PRDM2: variants seen among roughly 807,000 people sequenced by gnomAD.
PRDM2 encodes PR domain zinc finger protein 2.
PRDM2 carries 30 observed loss-of-function variants against 130.0 expected under a neutral mutation model. The observed-to-expected ratio is 0.23, with a 90% CI of 0.17 to 0.31. The LOEUF (loss-of-function observed/expected upper bound fraction) is 0.31. Ranked by LOEUF, PRDM2 falls within the 10% of genes least tolerant of loss-of-function variation. PRDM2 has a pLI of 1.00. For missense variants in PRDM2, 2,011 were observed against 2,108.4 expected, an observed-to-expected ratio of 0.95 and a Z score of 0.90; for synonymous variants, 871 against 782.4, an observed-to-expected ratio of 1.11 and a Z score of -1.89.
At chr1:13,755,299 AGTGG>A (rs889280379) in intron 6 of PRDM2, among the ~76,000 whole-genome samples, 1 of 152,140 alleles carries the variant, frequency 6.6e-6, no homozygotes, top group Non-Finnish European at 1.5e-5. Flanking sequence ...GCTGTATTTT[AGTGG>A]GTGGATTTGC....
intron 1 of PRDM2, among the ~76,000 whole-genome samples, chr1:13,709,185 A>G (rs1202453902): frequency 1.3e-5 from 2 of 150,502 alleles, no homozygotes; most frequent in South Asian, 2.1e-4. Context: ...TTTTATTGCT[A>G]TATTAGCAGT....
At chr1:13,815,238 C>T (rs1645238456) in intron 8 of PRDM2, among the ~76,000 whole-genome samples, 1 of 151,404 alleles carries the variant, frequency 6.6e-6, no homozygotes, top group Non-Finnish European at 1.5e-5. Context: ...TCCTGAGTAG[C>T]TGTGATTACA....
chr1:13,818,431 T>G (rs1237050348), intron 9 of PRDM2, among the ~76,000 whole-genome samples: 1 of 144,938 alleles, frequency 6.9e-6, no homozygotes, highest in East Asian at 2.0e-4. Context: ...CAGGCTGGAG[T>G]GCAGTGGCGC....
At chr1:13,769,217 C>CT in intron 6 of PRDM2, 1 of 916,456 alleles carries the variant, frequency 1.1e-6, no homozygotes, top group Non-Finnish European at 1.3e-6. Context: ...GCGGCTCCTG[C>CT]TCCTCTGCCT....
chr1:13,755,670 G>T (rs1156934348), intron 6 of PRDM2, among the ~76,000 whole-genome samples: 1 of 149,172 alleles, frequency 6.7e-6, no homozygotes, highest in Non-Finnish European at 1.5e-5. Context: ...CTCGTTCAGT[G>T]TTTTTTTTTC....
chr1:13,716,873 G>A (rs1367138302), intron 2 of PRDM2, among the ~76,000 whole-genome samples: 2 of 151,170 alleles, frequency 1.3e-5, no homozygotes, highest in Non-Finnish European at 2.9e-5. Context: ...TTTTTTTTTA[G>A]TCCTTAGCTT....
intron 8 of PRDM2, chr1:13,788,116 C>T (rs1480441005): frequency 1.0e-5 from 10 of 954,318 alleles, no homozygotes; most frequent in Non-Finnish European, 1.0e-5. Flanking sequence ...TAATTGGGAG[C>T]AGTTAGGGGG....
chr1:13,758,173 G>A (rs1189074277), intron 6 of PRDM2, among the ~76,000 whole-genome samples: 1 of 152,098 alleles, frequency 6.6e-6, no homozygotes, highest in Non-Finnish European at 1.5e-5. Flanking sequence ...GCCAGGCGCG[G>A]TGGCTCACAC....
At chr1:13,738,536 G>A (rs1445053199) in intron 4 of PRDM2, among the ~76,000 whole-genome samples, 1 of 152,144 alleles carries the variant, frequency 6.6e-6, no homozygotes, top group Non-Finnish European at 1.5e-5. Flanking sequence ...TTAAGAGAGG[G>A]TCTGTTAGTG....
At chr1:13,802,261 G>A (rs10927936) in intron 8 of PRDM2, among the ~76,000 whole-genome samples, 3,173 of 152,250 alleles carry the variant, frequency 0.021, 82 homozygotes, top group East Asian at 0.081. Context: ...CCATGACAGT[G>A]CCAGCCCTGC....
At chr1:13,734,133 G>T (rs1157063912) in intron 4 of PRDM2, among the ~76,000 whole-genome samples, 1 of 152,190 alleles carries the variant, frequency 6.6e-6, no homozygotes, top group Non-Finnish European at 1.5e-5. Context: ...CTTAGGAAAT[G>T]AGGATTTACC....
intron 6 of PRDM2, among the ~76,000 whole-genome samples, chr1:13,767,467 A>AT (rs372707092): frequency 0.03 from 3,459 of 113,952 alleles, 69 homozygotes; most frequent in South Asian, 0.14. Context: ...AATTTTTTCT[A>AT]TTTTTTTTTT....
chr1:13,704,502 G>T (rs1249176283), intron 1 of PRDM2, among the ~76,000 whole-genome samples: 1 of 152,156 alleles, frequency 6.6e-6, no homozygotes, highest in Non-Finnish European at 1.5e-5. Flanking sequence ...TTGGTGAAAA[G>T]AATATTTTGT....
intron 5 of PRDM2, among the ~76,000 whole-genome samples, chr1:13,743,653 A>G (rs1299597451): frequency 6.6e-6 from 1 of 152,222 alleles, no homozygotes; most frequent in Non-Finnish European, 1.5e-5. Flanking sequence ...AATTGTGGCC[A>G]GCTTTGCAGT....
Position 13,798,234 on chromosome 1 carries a change from G to A in PRDM2, c.5036+15403G>A, listed in dbSNP as rs74058412. 5.6e-3 allele frequency among the ~76,000 whole-genome samples: 846 copies of A among 152,286 alleles called. 7 individuals are homozygous for A. Among genetic ancestry groups the A allele is most frequent in the African/African-American group, 0.019 (799 of 41,556 alleles). Reference sequence around the variant, plus strand: ...CAAGGATAATAGAGCCAAAGCTACCGCTCCGCCTCAGTGACCTACTTATGT... The same window carrying A: ...CAAGGATAATAGAGCCAAAGCTACCACTCCGCCTCAGTGACCTACTTATGT... On this transcript the variant is annotated intron_variant, in intron 8 of 9. Transcript: ENST00000311066.
Position 13,823,529 on chromosome 1 carries a change from T to G in PRDM2, c.*394T>G, listed in dbSNP as rs1645386637. 3.2e-6 allele frequency: 1 copy of G among 310,572 alleles called. No individual in the cohort carries two copies. The highest frequency in any genetic ancestry group is 6.0e-6 in the Non-Finnish European group (1 of 166,482). 19.2% of individuals were successfully genotyped at this position (310,572 alleles called of 1,614,324 possible). A position where few individuals can be genotyped will look rare whatever the true frequency, so the allele number is the denominator to read the frequency against. ...TGCTTCTTGAGTTGTCTTTTGCCATTATGGGGACTTTGGTTTGACCCAGGG... is the reference window on the plus strand; with the variant it reads ...TGCTTCTTGAGTTGTCTTTTGCCATGATGGGGACTTTGGTTTGACCCAGGG... On this transcript the variant is annotated 3_prime_UTR_variant, in exon 10 of 10. Transcript: ENST00000311066.
chr1:13,773,233 C>A, intron 7 of PRDM2, 45 bp downstream of exon 7: 1 of 1,145,282 alleles, frequency 8.7e-7, no homozygotes, highest in Non-Finnish European at 1.2e-6. Flanking sequence ...TGTGTATGTA[C>A]CCAGTGAATT....
intron 8 of PRDM2, among the ~76,000 whole-genome samples, chr1:13,811,376 CTG>C (rs1267734336): frequency 6.6e-6 from 1 of 152,188 alleles, no homozygotes; most frequent in Non-Finnish European, 1.5e-5. Context: ...TCCTGTGACA[CTG>C]TGCTCGCCCC....
At chr1:13,724,497 CT>C (rs749027235) in intron 2 of PRDM2, among the ~76,000 whole-genome samples, 22,531 of 129,508 alleles carry the variant, frequency 0.17, 1,366 homozygotes, top group South Asian at 0.3. Context: ...CTTTTCATGG[CT>C]TTTTTTTTTT....
Sources: allele counts gnomAD v4.1 joint callset (sites outside exome capture counted in the v4.1 genomes callset), GRCh38; gene constraint gnomAD v4.1.1; transcripts MANE v1.5; gene names NCBI Gene and HGNC (gene_info 2026-07-23, HGNC 2026-07-21).